KRT17: variants seen among roughly 807,000 people sequenced by gnomAD.
KRT17 encodes the protein keratin 17.
Under a neutral mutation model 45.6 loss-of-function variants are expected in KRT17, and 29 were observed. That is an observed-to-expected ratio of 0.64 (90% CI 0.47 to 0.87). The LOEUF (loss-of-function observed/expected upper bound fraction) is 0.87. Ranked by LOEUF, KRT17 falls within the 40% of genes least tolerant of loss-of-function variation. KRT17 has a pLI of 0.00. For missense variants in KRT17, 536 were observed against 577.8 expected (o/e 0.93, Z 0.74); for synonymous variants, 219 against 234.6 (o/e 0.93, Z 0.61).
chr17:41,620,681 G>T lies in KRT17; in HGVS notation c.1159C>A (p.Leu387Met). 6.2e-7 allele frequency: 1 copy of T among 1,612,088 alleles called. No homozygotes were observed. Among genetic ancestry groups the T allele is most frequent in the South Asian group, 1.1e-5 (1 of 90,990 alleles). ...CACTGGGCATCCTCTCCCTCCAGCAGGCGGCGGTAGGTGGCAATCTCCTGC... is the reference window on the plus strand; with the variant it reads ...CACTGGGCATCCTCTCCCTCCAGCATGCGGCGGTAGGTGGCAATCTCCTGC... Reference protein sequence around the residue: ...LEQEIATYRRLLEGEDAHLTQ... With the variant: ...LEQEIATYRRMLEGEDAHLTQ... The change falls in exon 6 of 8, where the codon CTG becomes ATG. Residue 387 changes from leucine (L) to methionine (M), a missense_variant. By Grantham distance (15) the Leu-to-Met change is conservative. Transcript: ENST00000311208.
Position 41,621,713 on chromosome 17 carries a change from A to T in KRT17, c.714T>A (p.Asn238Lys). ...CGCCTGGGGCAGCGTCCATCTCCAC[A>T]TTGATCTCACCACCCACCTGGCCTC... The part of the protein sequence containing the change: ...ALRGQVGGEI[N>K]VEMDAAPGVD... Residue 238 changes from asparagine to lysine, a missense_variant, in exon 4 of 8, where the codon AAT becomes AAA. Coordinates refer to ENST00000311208, the MANE Select transcript of KRT17 (RefSeq NM_000422.3). 6.2e-7 allele frequency: 1 copy of T among 1,612,122 alleles called. No individual in the cohort carries two copies. Among genetic ancestry groups the T allele is most frequent in the Non-Finnish European group, 8.5e-7 (1 of 1,179,820 alleles).
intron 7 of KRT17, 34 bp from the exon 8 acceptor site, chr17:41,619,722 G>T: frequency 6.2e-7 from 1 of 1,611,806 alleles, no homozygotes; most frequent in East Asian, 2.2e-5. Context: ...AAGTGGGTAG[G>T]GGCCAGGAGG....
chr17:41,620,196 T>C (rs529215591), intron 7 of KRT17: 2 of 985,336 alleles, frequency 2.0e-6, no homozygotes, highest in East Asian at 1.1e-4. Context: ...GACAGGACTG[T>C]TTTTGCTCAT....
Position 41,621,596 on chromosome 17 carries a change from G to T in KRT17, c.831C>A (p.Ser277Arg). The change falls in exon 4 of 8, where the codon AGC (serine) becomes AGA (arginine). Residue 277 changes from serine (S) to arginine (R), a missense_variant. Ser to Arg is a moderately radical substitution (Grantham distance 110). Transcript: ENST00000311208. ...NRKDAEDWFF[S>R]KTEELNREVA... ...TCTGGCCTGCAGCACCCCCCACCTT[G>T]CTGAAGAACCAATCCTCGGCATCCT... 3 of 1,612,032 alleles carry T rather than the reference G, an allele frequency of 1.9e-6. No individual in the cohort carries two copies. Among genetic ancestry groups the T allele is most frequent in the Non-Finnish European group, 1.7e-6 (2 of 1,179,868 alleles).
At chr17:41,621,559 C>T in intron 4 of KRT17, 34 bp downstream of exon 4, 1 of 1,611,956 alleles carries the variant, frequency 6.2e-7, no homozygotes, top group South Asian at 1.1e-5. Flanking sequence ...GCCCCAGCCC[C>T]TAAGAGAGCC....
In KRT17 at chr17:41,620,806, A is replaced by G. The variant is rs1465734933; in HGVS notation, c.1034T>C (p.Leu345Pro). ...YCVQLSQIQG[L>P]IGSVEEQLAQ... ...CAGCTGCTCCTCCACGCTGCCAATCAGCCCCTGGATCTGGGACAGCTGCAC... is the reference window on the plus strand; with the variant it reads ...CAGCTGCTCCTCCACGCTGCCAATCGGCCCCTGGATCTGGGACAGCTGCAC... Residue 345 changes from leucine to proline, a missense_variant, in exon 6 of 8, where the codon CTG (leucine) becomes CCG (proline). Leu to Pro is a moderately conservative substitution (Grantham distance 98). Coordinates refer to ENST00000311208, the MANE Select transcript of KRT17 (RefSeq NM_000422.3). The G allele has an allele frequency of 1.2e-6, 2 of 1,613,166 alleles. No individual in the cohort carries two copies. Among genetic ancestry groups the G allele is most frequent in the Non-Finnish European group, 1.7e-6 (2 of 1,179,862 alleles).
Position 41,622,398 on chromosome 17 carries a change from T to A in KRT17, c.629A>T (p.Asn210Ile). The A allele has an allele frequency of 1.9e-6, 3 of 1,614,012 alleles. No homozygotes were observed. Among genetic ancestry groups the A allele is most frequent in the Non-Finnish European group, 2.5e-6 (3 of 1,180,038 alleles). ...CAGGTAGGCCAGCTCCTCCTTGAGG[T>A]TCTCAATCTGCATCTCCAGGTCGGC... ...ARADLEMQIENLKEELAYLKK... is the reference protein window; with the variant it reads ...ARADLEMQIEILKEELAYLKK... Residue 210 changes from asparagine to isoleucine, a missense_variant, in exon 3 of 8, where the codon AAC becomes ATC. By Grantham distance (149) the Asn-to-Ile change is moderately radical (BLOSUM62 -3). Transcript: ENST00000311208.
rs1210438233 is a variant in KRT17 at position 41,620,671 on chromosome 17, C to T, written c.1169G>A (p.Gly390Glu). The T allele has an allele frequency of 2.5e-6, 4 of 1,612,040 alleles. No individual in the cohort carries two copies. Among genetic ancestry groups the T allele is most frequent in the Non-Finnish European group, 3.4e-6 (4 of 1,179,882 alleles). Residue 390 changes from glycine to glutamate, a missense_variant, in exon 6 of 8, where the codon GGA (glycine) becomes GAA (glutamate). Coordinates refer to ENST00000311208, the MANE Select transcript of KRT17 (RefSeq NM_000422.3). ...CGCCCCCACTCACTGGGCATCCTCT[C>T]CCTCCAGCAGGCGGCGGTAGGTGGC... ...EIATYRRLLE[G>E]EDAHLTQYKK...
intron 7 of KRT17, 127 bp downstream of exon 7, chr17:41,620,409 C>A (rs1908495001): frequency 1.2e-6 from 2 of 1,604,170 alleles, no homozygotes; most frequent in Non-Finnish European, 1.7e-6. Context: ...GCTAATGAGT[C>A]ACTTCTCCCT....
At chr17:41,623,222 T>C (rs1908607648) in intron 1 of KRT17, 190 bp from the exon 2 acceptor site, 1 of 581,870 alleles carries the variant, frequency 1.7e-6, no homozygotes, top group Non-Finnish European at 3.3e-6. Context: ...CTTCCCCCGA[T>C]ACTCAGTACC....
intron 3 of KRT17, 99 bp from the exon 4 acceptor site, chr17:41,621,853 C>T (rs780669287): frequency 7.4e-7 from 1 of 1,350,592 alleles, no homozygotes; most frequent in Non-Finnish European, 1.1e-6. Flanking sequence ...CCACAAGGAC[C>T]CCTCCTTTGT....
chr17:41,619,793 G>A lies in KRT17; in HGVS notation c.1205-105C>T, dbSNP rs1908478295. The A allele has an allele frequency of 5.0e-6, 8 of 1,585,776 alleles. No individual in the cohort carries two copies. The South Asian group carries it at 9.0e-5, about 18-fold the overall frequency. On this transcript the variant is annotated intron_variant, in intron 7 of 7. Coordinates refer to ENST00000311208, the MANE Select transcript of KRT17 (RefSeq NM_000422.3). Reference sequence around the variant, plus strand: ...CGGCTCTCTCCCTCATCCTCCCCCAGGTGCTGTGAGTGCCTCCACTGGCAC... The same window carrying A: ...CGGCTCTCTCCCTCATCCTCCCCCAAGTGCTGTGAGTGCCTCCACTGGCAC...
rs201183067 is a variant in KRT17, at chr17:41,621,590, C to T, written c.834+3G>A. On this transcript the variant is annotated splice_donor_region_variant and intron_variant, in intron 4 of 7. Coordinates refer to ENST00000311208, the MANE Select transcript of KRT17 (RefSeq NM_000422.3). The stretch of plus-strand genomic sequence containing the variant: ...GAGCCCTCTGGCCTGCAGCACCCCC[C>T]ACCTTGCTGAAGAACCAATCCTCGG... The T allele has an allele frequency of 1.6e-5, 25 of 1,612,060 alleles. 1 individual carries two copies. In the East Asian group the frequency reaches 1.6e-4, roughly 10 times the overall value.
In KRT17 at chr17:41,623,082, C is replaced by T. The variant is rs536782808; in HGVS notation, c.433-50G>A. ...GTCATTGGATGGGGGTGGCTGAGCCCACACCAGGGTTCTGAGCAGATCTTC... is the reference window on the plus strand; with the variant it reads ...GTCATTGGATGGGGGTGGCTGAGCCTACACCAGGGTTCTGAGCAGATCTTC... On this transcript the variant is annotated intron_variant, in intron 1 of 7. Coordinates refer to ENST00000311208, the MANE Select transcript of KRT17 (RefSeq NM_000422.3). 65 of 1,378,928 alleles carry T rather than the reference C, an allele frequency of 4.7e-5. No individual in the cohort carries two copies. The East Asian group carries it at 1.3e-3, about 28-fold the overall frequency. 85.4% of individuals were successfully genotyped at this position (1,378,928 alleles called of 1,614,324 possible).
At position 41,619,640 on chromosome 17, in the gene KRT17, C is replaced by T; in HGVS notation, c.1253G>A (p.Gly418Asp). Residue 418 changes from glycine to aspartate, a missense_variant, in exon 8 of 8, where the codon GGC (glycine) becomes GAC (aspartate). Transcript: ENST00000311208. ...CTGCTCGCGGGAGGAGATGACCTTG[C>T]CATCCTGGACCTCTTCCACAATGGT... ...VRTIVEEVQD[G>D]KVISSREQVH... The T allele has an allele frequency of 6.2e-7, 1 of 1,612,242 alleles. No homozygotes were observed. The highest frequency in any genetic ancestry group is 8.5e-7 in the Non-Finnish European group (1 of 1,180,032).
At chr17:41,620,376 T>C in intron 7 of KRT17, 160 bp downstream of exon 7, 1 of 985,278 alleles carries the variant, frequency 1.0e-6, no homozygotes, top group Non-Finnish European at 1.2e-6. Context: ...CATTTGATCT[T>C]TTCCTGAGTA....
Position 41,619,672 on chromosome 17 carries a change from C to A in KRT17, c.1221G>T (p.Gln407His). The A allele has an allele frequency of 6.2e-7, 1 of 1,612,202 alleles. No individual in the cohort carries two copies. Among genetic ancestry groups the A allele is most frequent in the South Asian group, 1.1e-5 (1 of 91,000 alleles). ...QYKKEPVTTR[Q>H]VRTIVEEVQD... Reference sequence around the variant, plus strand: ...GGACCTCTTCCACAATGGTACGCACCTGACGGGTGGTCACCGCTGCAGGAG... The same window carrying A: ...GGACCTCTTCCACAATGGTACGCACATGACGGGTGGTCACCGCTGCAGGAG... Residue 407 changes from glutamine (Q) to histidine (H), a missense_variant, in exon 8 of 8, where the codon CAG becomes CAT. Gln to His is a conservative substitution (Grantham distance 24). Coordinates refer to ENST00000311208, the MANE Select transcript of KRT17 (RefSeq NM_000422.3).
At position 41,624,552 on chromosome 17, in the gene KRT17, G is replaced by C. The variant is rs149859406; in HGVS notation, c.-43C>G. On this transcript the variant is annotated 5_prime_UTR_variant, in exon 1 of 8. Transcript: ENST00000311208. ...GCAGGCACACAGGAGAAGGGCTGGA[G>C]AGGAGAGGGGCCCCAAGTTGTGTAG... The C allele has an allele frequency of 6.3e-7, 1 of 1,578,408 alleles. No individual in the cohort carries two copies. The highest frequency in any genetic ancestry group is 1.1e-5 in the South Asian group (1 of 89,318).
chr17:41,623,707 C>T (rs1037032243), intron 1 of KRT17, among the ~76,000 whole-genome samples: 1 of 151,582 alleles, frequency 6.6e-6, no homozygotes, highest in Non-Finnish European at 1.5e-5. Flanking sequence ...TCACCCAAAA[C>T]CCCCTCCTGT....
Sources: gnomAD v4.1 joint callset for allele counts (sites outside exome capture counted in the v4.1 genomes callset) on GRCh38, gnomAD v4.1.1 for gene constraint, MANE v1.5 for transcripts, NCBI Gene and HGNC (gene_info 2026-07-23, HGNC 2026-07-21) for gene names.